Variants in PI4KA observed in about 807,000 individuals in gnomAD.
The protein encoded by PI4KA is phosphatidylinositol 4-kinase alpha.
PI4KA carries 122 observed loss-of-function variants against 271.4 expected under a neutral mutation model. The ratio of observed to expected loss-of-function variants is 0.45; its 90% CI spans 0.39 to 0.52. PI4KA has a LOEUF of 0.52. Among genes scored for constraint, PI4KA ranks in the 20% least tolerant of loss-of-function variants. The probability of loss-of-function intolerance (pLI) is 0.00; values close to 1 mark genes in which losing one functional copy is unlikely to be tolerated. For synonymous variants in PI4KA, 1,041 were observed against 1,078.8 expected, an observed-to-expected ratio of 0.96 and a Z score of 0.69; for missense variants, 1,969 against 2,769.1, an observed-to-expected ratio of 0.71 and a Z score of 6.48.
intron 4 of PI4KA, among the ~76,000 whole-genome samples, chr22:20,822,250 C>T (rs890434685): frequency 2.0e-5 from 3 of 152,000 alleles, no homozygotes; most frequent in Non-Finnish European, 4.4e-5. Context: ...TTTTGCTATG[C>T]TGCCCAAGCT....
In PI4KA at chr22:20,752,920, T is replaced by G; in HGVS notation, c.2970A>C (p.Leu990=). ...KRIRRVADKY[L]SGLVDKFPHL... ...GAGCTTACTTATCCACCAGACCAGA[T>G]AGATACTTGTCTGCCACCCTCCTTA... The change falls in exon 25 of 55, where the codon CTA becomes CTC. Residue 990 remains leucine (L), a synonymous_variant. Transcript: ENST00000255882. The G allele has an allele frequency of 1.9e-6, 3 of 1,613,992 alleles. No individual in the cohort carries two copies. The highest frequency in any genetic ancestry group is 2.5e-6 in the Non-Finnish European group (3 of 1,179,806).
At chr22:20,798,540 T>C (rs1416884852) in intron 17 of PI4KA, 44 bp downstream of exon 17, 1 of 1,147,876 alleles carries the variant, frequency 8.7e-7, no homozygotes, top group Non-Finnish European at 1.3e-6. Flanking sequence ...TTAAAGTAAG[T>C]TAAATACTGT....
intron 19 of PI4KA, among the ~76,000 whole-genome samples, chr22:20,771,452 A>C (rs1932869961): frequency 6.6e-6 from 1 of 152,018 alleles, no homozygotes; most frequent in Non-Finnish European, 1.5e-5. Flanking sequence ...ACAAGCTGTT[A>C]CCACTAAATG....
chr22:20,824,179 T>A (rs766220855), intron 4 of PI4KA, 147 bp downstream of exon 4: 23 of 678,524 alleles, frequency 3.4e-5, no homozygotes, highest in Non-Finnish European at 5.6e-5. Context: ...GACCTAAGCA[T>A]GTCTTAGGTC....
At chr22:20,820,810 C>T (rs1478891573) in intron 4 of PI4KA, among the ~76,000 whole-genome samples, 199 bp from the exon 5 acceptor site, 4 of 152,198 alleles carry the variant, frequency 2.6e-5, no homozygotes, top group African/African-American at 4.8e-5. Flanking sequence ...GGGCTGGTTC[C>T]GAGTTCCTCC....
At chr22:20,837,263 G>A (rs921807010) in intron 2 of PI4KA, among the ~76,000 whole-genome samples, 37 of 152,290 alleles carry the variant, frequency 2.4e-4, no homozygotes, top group African/African-American at 8.7e-4. Flanking sequence ...TATAATCCCA[G>A]CTGCTCAGGA....
At chr22:20,786,171 C>T in intron 19 of PI4KA, 2 of 1,613,284 alleles carry the variant, frequency 1.2e-6, no homozygotes, top group Non-Finnish European at 1.7e-6. Context: ...TTGTCCACCC[C>T]CGACCCGTCC....
Position 20,858,761 on chromosome 22 carries a change from C to A in PI4KA, c.-36G>T, listed in dbSNP as rs774018477. 7 of 1,363,522 alleles carry A rather than the reference C, an allele frequency of 5.1e-6. No individual in the cohort carries two copies. The highest frequency in any genetic ancestry group is 6.8e-5 in the East Asian group (2 of 29,360). 84.5% of individuals were successfully genotyped at this position (1,363,522 alleles called of 1,614,324 possible). On this transcript the variant is annotated 5_prime_UTR_variant, in exon 1 of 55. Coordinates refer to ENST00000255882, the MANE Select transcript of PI4KA (RefSeq NM_058004.4). ...GCCGCGGCGCTGCCCGCCGGCTCCCCGCTCCTGGCCCGCGAGCGCCCGACC... is the reference window on the plus strand; with the variant it reads ...GCCGCGGCGCTGCCCGCCGGCTCCCAGCTCCTGGCCCGCGAGCGCCCGACC...
intron 9 of PI4KA, among the ~76,000 whole-genome samples, chr22:20,810,007 G>A (rs1194181519): frequency 3.3e-5 from 5 of 152,120 alleles, no homozygotes; most frequent in Admixed American, 2.0e-4. Flanking sequence ...AAAATCAGGT[G>A]AGAGAAGGAA....
At chr22:20,801,511 G>C (rs967219668) in intron 14 of PI4KA, among the ~76,000 whole-genome samples, 1 of 151,798 alleles carries the variant, frequency 6.6e-6, no homozygotes, top group Non-Finnish European at 1.5e-5. Flanking sequence ...CATGAACCCA[G>C]GAGGCAGAGG....
intron 3 of PI4KA, among the ~76,000 whole-genome samples, chr22:20,831,605 AAAC>A (rs1763812751): frequency 2.4e-5 from 1 of 40,882 alleles, no homozygotes; most frequent in South Asian, 5.6e-4. Flanking sequence ...ACAAAAACAA[AAAC>A]AAAAACAAAA....
In PI4KA at chr22:20,721,336, G is replaced by C; in HGVS notation, c.5078C>G (p.Thr1693Ser). 3 of 1,613,950 alleles carry C rather than the reference G, an allele frequency of 1.9e-6. No homozygotes were observed. Among genetic ancestry groups the C allele is most frequent in the Non-Finnish European group, 2.5e-6 (3 of 1,179,844 alleles). The change falls in exon 43 of 55, where the codon ACT becomes AGT. Residue 1693 changes from threonine to serine, a missense_variant. By Grantham distance (58) the Thr-to-Ser change is moderately conservative. Transcript: ENST00000255882. ...LAHQFIWNMK[T>S]NIYLDEEGHQ... ...GCCCTCTTCATCTAGATAAATGTTAGTCTTCATGTTCCAGATGAACTGGTG... is the reference window on the plus strand; with the variant it reads ...GCCCTCTTCATCTAGATAAATGTTACTCTTCATGTTCCAGATGAACTGGTG...
intron 23 of PI4KA, among the ~76,000 whole-genome samples, chr22:20,756,614 T>C (rs1176919664): frequency 6.6e-6 from 1 of 151,522 alleles, no homozygotes; most frequent in African/African-American, 2.4e-5. Context: ...TGTCATGTAG[T>C]AGCATCTAAG....
chr22:20,824,493 T>G lies in PI4KA; in HGVS notation c.368-79A>C, dbSNP rs118040259. 5.6e-4 allele frequency: 550 copies of G among 974,630 alleles called. 4 individuals are homozygous for G. The East Asian group carries it at 0.011, about 20-fold the overall frequency. 60.4% of individuals were successfully genotyped at this position (974,630 alleles called of 1,614,324 possible). A position where few individuals can be genotyped will look rare whatever the true frequency, so the allele number is the denominator to read the frequency against. On this transcript the variant is annotated intron_variant, in intron 3 of 54. Coordinates refer to ENST00000255882, the MANE Select transcript of PI4KA (RefSeq NM_058004.4). ...ACCTCTGGCCATCCAATTCAATATGTTCCCTCTCACCATGACCTGCCAAGG... is the reference window on the plus strand; with the variant it reads ...ACCTCTGGCCATCCAATTCAATATGGTCCCTCTCACCATGACCTGCCAAGG...
intron 32 of PI4KA, among the ~76,000 whole-genome samples, chr22:20,739,271 G>A (rs1418153935): frequency 1.3e-5 from 2 of 151,318 alleles, no homozygotes; most frequent in East Asian, 3.9e-4. Flanking sequence ...GCGTGAACCC[G>A]GGAGGCGGAG....
At chr22:20,748,134 AC>A (rs1930310156) in intron 28 of PI4KA, among the ~76,000 whole-genome samples, 1 of 152,250 alleles carries the variant, frequency 6.6e-6, no homozygotes, top group African/African-American at 2.4e-5. Flanking sequence ...CCCCTCCCTA[AC>A]TAGCTGTGGG....
At chr22:20,740,218 C>A (rs1929259718) in intron 32 of PI4KA, among the ~76,000 whole-genome samples, 1 of 149,508 alleles carries the variant, frequency 6.7e-6, no homozygotes. Context: ...GGTTTTACAG[C>A]AGAATGAATA....
chr22:20,763,863 A>G (rs1050718260), intron 22 of PI4KA, among the ~76,000 whole-genome samples: 1 of 152,196 alleles, frequency 6.6e-6, no homozygotes, highest in Non-Finnish European at 1.5e-5. Flanking sequence ...GGCTGAGGGC[A>G]GGGAGGAGGA....
intron 6 of PI4KA, among the ~76,000 whole-genome samples, chr22:20,819,303 G>GT (rs1350926073): frequency 1.0e-4 from 15 of 148,800 alleles, no homozygotes; most frequent in African/African-American, 7.4e-5. Flanking sequence ...TTAAAGGAGT[G>GT]GTTTTTTTTT....
Sources: gnomAD v4.1 joint callset for allele counts (sites outside exome capture counted in the v4.1 genomes callset) on GRCh38, gnomAD v4.1.1 for gene constraint, MANE v1.5 for transcripts, NCBI Gene and HGNC (gene_info 2026-07-23, HGNC 2026-07-21) for gene names.